The following GABBR2 variants were observed in gnomAD, a reference collection of about 807,000 sequenced individuals.
The protein encoded by GABBR2 is G-protein coupled receptor 51.
A neutral mutation model predicts 105.6 loss-of-function variants in GABBR2; 23 were observed. That is an observed-to-expected ratio of 0.22 (90% CI 0.16 to 0.31). The LOEUF is 0.31. Among genes scored for constraint, GABBR2 ranks in the 10% least tolerant of loss-of-function variants. GABBR2 has a pLI of 1.00. For synonymous variants in GABBR2, 478 were observed against 499.7 expected (o/e 0.96, Z 0.58); for missense variants, 734 against 1,245.5 (o/e 0.59, Z 6.18).
chr9:98,406,632 T>C (rs1248350090), intron 7 of GABBR2, among the ~76,000 whole-genome samples: 1 of 152,182 alleles, frequency 6.6e-6, no homozygotes, highest in Non-Finnish European at 1.5e-5. Context: ...TAGAGAATGT[T>C]TTTCTAAGTT....
Position 98,514,310 on chromosome 9 carries a change from C to T in GABBR2, c.631-17796G>A, listed in dbSNP as rs1331544462. 6.8e-5 allele frequency among the ~76,000 whole-genome samples: 9 copies of T among 132,742 alleles called. 1 individual carries two copies. Among genetic ancestry groups the T allele is most frequent in the Admixed American group, 2.3e-4 (3 of 13,286 alleles). The allele number at this position is 132,742 out of a possible 152,430, so 87.1% of individuals were successfully genotyped here. A position where few individuals can be genotyped will look rare whatever the true frequency, so the allele number is the denominator to read the frequency against. On this transcript the variant is annotated intron_variant, in intron 3 of 18. Transcript: ENST00000259455. ...GGGAGATATACCTAATGCTAGATGACGAGTTAGTGGGTGCAGCACACCAGC... is the reference window on the plus strand; with the variant it reads ...GGGAGATATACCTAATGCTAGATGATGAGTTAGTGGGTGCAGCACACCAGC...
intron 1 of GABBR2, among the ~76,000 whole-genome samples, chr9:98,695,275 C>T (rs1428991977): frequency 6.6e-6 from 1 of 152,156 alleles, no homozygotes; most frequent in Non-Finnish European, 1.5e-5. Context: ...GCATGGCAGA[C>T]ACCAAACAGA....
intron 13 of GABBR2, among the ~76,000 whole-genome samples, chr9:98,339,627 C>T (rs1412038277): frequency 6.6e-6 from 1 of 152,158 alleles, no homozygotes; most frequent in African/African-American, 2.4e-5. Flanking sequence ...AGAACAGGTA[C>T]AAAATTTTTC....
rs2131594461 is a variant in GABBR2 at position 98,447,203 on chromosome 9, A to T, written c.1236+6778T>A. 1.4e-5 allele frequency among the ~76,000 whole-genome samples: 2 copies of T among 139,290 alleles called. 1 individual carries two copies. The highest frequency in any genetic ancestry group is 4.4e-4 in the East Asian group (2 of 4,498). The allele number at this position is 139,290 out of a possible 152,430, so 91.4% of individuals were successfully genotyped here. On this transcript the variant is annotated intron_variant, in intron 7 of 18. Transcript: ENST00000259455. The stretch of plus-strand genomic sequence containing the variant: ...CAGCCTCCCAAGTAGCTGGGACTAC[A>T]GGCGCCCGCCACTACGCCCGGCTAA...
chr9:98,582,080 A>T (rs915211612), intron 1 of GABBR2, among the ~76,000 whole-genome samples: 44 of 152,152 alleles, frequency 2.9e-4, no homozygotes, highest in African/African-American at 1.1e-3. Flanking sequence ...GGCCCCATTG[A>T]CCTTCACCCC....
chr9:98,575,674 C>A (rs943026803), intron 2 of GABBR2, among the ~76,000 whole-genome samples: 6 of 152,204 alleles, frequency 3.9e-5, no homozygotes, highest in African/African-American at 1.4e-4. Flanking sequence ...AAGGTCTCCA[C>A]AGCTGTCCTG....
intron 2 of GABBR2, among the ~76,000 whole-genome samples, chr9:98,571,560 G>C (rs1828830512): frequency 6.6e-6 from 1 of 152,144 alleles, no homozygotes; most frequent in Non-Finnish European, 1.5e-5. Context: ...TACAGTCCTA[G>C]AGGGATCTGA....
intron 6 of GABBR2, among the ~76,000 whole-genome samples, chr9:98,461,339 A>T (rs1468147657): frequency 6.6e-6 from 1 of 152,230 alleles, no homozygotes; most frequent in African/African-American, 2.4e-5. Context: ...TAATTAAAAC[A>T]GGGTGATATT....
At chr9:98,403,109 T>C (rs567653964) in intron 8 of GABBR2, among the ~76,000 whole-genome samples, 34 of 151,776 alleles carry the variant, frequency 2.2e-4, no homozygotes, top group Non-Finnish European at 3.7e-4. Flanking sequence ...GCCTGGCCAA[T>C]ATGGTGAAAC....
intron 13 of GABBR2, among the ~76,000 whole-genome samples, chr9:98,323,137 C>A (rs1830854646): frequency 6.6e-6 from 1 of 152,194 alleles, no homozygotes; most frequent in African/African-American, 2.4e-5. Context: ...GTGACTTGAA[C>A]CCAGGTCCGC....
chr9:98,422,689 CCAT>C (rs1832804373), intron 7 of GABBR2, among the ~76,000 whole-genome samples: 1 of 151,802 alleles, frequency 6.6e-6, no homozygotes, highest in Non-Finnish European at 1.5e-5. Flanking sequence ...TATACATGTG[CCAT>C]GCTGGTGTGC....
intron 8 of GABBR2, among the ~76,000 whole-genome samples, chr9:98,401,861 T>C (rs1832400484): frequency 6.6e-6 from 1 of 152,206 alleles, no homozygotes; most frequent in South Asian, 2.1e-4. Flanking sequence ...GACTGTATCT[T>C]ATTCAACTTG....
chr9:98,706,782 C>T (rs1830900407), intron 1 of GABBR2, among the ~76,000 whole-genome samples: 1 of 152,166 alleles, frequency 6.6e-6, no homozygotes, highest in Admixed American at 6.5e-5. Flanking sequence ...TTGCAGTGAC[C>T]CCTCCAGAAG....
chr9:98,326,413 AAG>A (rs767451178), intron 13 of GABBR2, among the ~76,000 whole-genome samples: 4 of 152,332 alleles, frequency 2.6e-5, no homozygotes, highest in South Asian at 2.1e-4. Flanking sequence ...GACCAAAGAA[AAG>A]AGAGAGTGGT....
intron 1 of GABBR2, among the ~76,000 whole-genome samples, chr9:98,595,803 G>T (rs1829226444): frequency 1.3e-5 from 2 of 152,118 alleles, no homozygotes; most frequent in African/African-American, 4.8e-5. Flanking sequence ...GAAATGAGTT[G>T]CGTGAGAGAA....
chr9:98,613,725 G>A (rs1435983909), intron 1 of GABBR2, among the ~76,000 whole-genome samples: 1 of 152,204 alleles, frequency 6.6e-6, no homozygotes. Flanking sequence ...AAAGTGAGAG[G>A]AAAACAGAGA....
At chr9:98,379,774 C>T (rs1408713304) in intron 11 of GABBR2, among the ~76,000 whole-genome samples, 2 of 152,278 alleles carry the variant, frequency 1.3e-5, no homozygotes, top group South Asian at 2.1e-4. Flanking sequence ...CTATTATTAT[C>T]ATCCCCATTT....
chr9:98,505,728 A>C (rs972329160), intron 3 of GABBR2, among the ~76,000 whole-genome samples: 1 of 152,304 alleles, frequency 6.6e-6, no homozygotes, highest in South Asian at 2.1e-4. Flanking sequence ...AGACAGAGGC[A>C]GAGGGTGGAG....
At chr9:98,438,626 T>G (rs563349078) in intron 7 of GABBR2, among the ~76,000 whole-genome samples, 1 of 152,342 alleles carries the variant, frequency 6.6e-6, no homozygotes, top group African/African-American at 2.4e-5. Flanking sequence ...TTCAAGGATT[T>G]CTACATTGTG....
Sources: allele counts gnomAD v4.1 joint callset (sites outside exome capture counted in the v4.1 genomes callset), GRCh38; gene constraint gnomAD v4.1.1; transcripts MANE v1.5; gene names NCBI Gene and HGNC (gene_info 2026-07-23, HGNC 2026-07-21).